The following RPA1 variants were observed in gnomAD, a reference collection of about 807,000 sequenced individuals.
RPA1 encodes the protein replication protein A 70 kDa DNA-binding subunit.
Under a neutral mutation model 83.0 loss-of-function variants are expected in RPA1, and 49 were observed. That is an observed-to-expected ratio of 0.59 (90% CI 0.47 to 0.75). The LOEUF is 0.75. RPA1 is among the 30% of genes least tolerant of loss of function. The probability of loss-of-function intolerance (pLI) is 0.00; values close to 1 mark genes in which losing one functional copy is unlikely to be tolerated. For missense variants in RPA1, 693 were observed against 776.1 expected (o/e 0.89, Z 1.27); for synonymous variants, 279 against 281.8 (o/e 0.99, Z 0.10).
rs113506658 is a variant in RPA1, at chr17:1,899,676, T to C, written c.*2501T>C. The C allele has an allele frequency of 2.3e-4, 35 of 152,338 alleles. No individual in the cohort carries two copies. The highest frequency in any genetic ancestry group is 7.9e-4 in the African/African-American group (33 of 41,562). The allele number at this position is 152,338 out of a possible 1,614,324, so 9.4% of individuals were successfully genotyped here. A position where few individuals can be genotyped will look rare whatever the true frequency, so the allele number is the denominator to read the frequency against. On this transcript the variant is annotated 3_prime_UTR_variant, in exon 17 of 17. Transcript: ENST00000254719. ...TTGATCGTGGTATTTAATACACTAA[T>C]GAAACCCATGGTTATTGACTACATA...
chr17:1,841,888 TTGAA>T (rs1247703804), intron 1 of RPA1, among the ~76,000 whole-genome samples: 11 of 152,184 alleles, frequency 7.2e-5, no homozygotes, highest in Non-Finnish European at 4.4e-5. Flanking sequence ...TCTCTATTCT[TTGAA>T]TGTGACAAAT....
intron 1 of RPA1, among the ~76,000 whole-genome samples, chr17:1,830,794 C>T (rs1911527286): frequency 6.6e-6 from 1 of 151,230 alleles, no homozygotes; most frequent in South Asian, 2.1e-4. Flanking sequence ...GCCTGGGCGA[C>T]ACTCACTGTC....
chr17:1,878,913 G>C, intron 8 of RPA1, 80 bp from the exon 9 acceptor site: 1 of 1,400,314 alleles, frequency 7.1e-7, no homozygotes, highest in Non-Finnish European at 1.0e-6. Flanking sequence ...GGTGGCCTGT[G>C]TTCTATCCCA....
At chr17:1,860,058 G>A (rs554975482) in intron 5 of RPA1, among the ~76,000 whole-genome samples, 10 of 151,096 alleles carry the variant, frequency 6.6e-5, no homozygotes, top group East Asian at 3.9e-4. Context: ...TGATCTGCCC[G>A]CCTCAGCCTC....
At chr17:1,834,387 A>G (rs1329399782) in intron 1 of RPA1, among the ~76,000 whole-genome samples, 3 of 152,146 alleles carry the variant, frequency 2.0e-5, no homozygotes, top group Non-Finnish European at 4.4e-5. Context: ...TTATAAACCT[A>G]TTTCCAGCGT....
intron 15 of RPA1, among the ~76,000 whole-genome samples, chr17:1,894,608 C>T (rs1914327244): frequency 6.6e-6 from 1 of 152,204 alleles, no homozygotes; most frequent in Non-Finnish European, 1.5e-5. Flanking sequence ...GCCCCTGTCA[C>T]CACCATCCTT....
intron 12 of RPA1, among the ~76,000 whole-genome samples, chr17:1,883,213 A>G (rs937000783): frequency 1.3e-5 from 2 of 152,024 alleles, no homozygotes; most frequent in African/African-American, 2.4e-5. Context: ...CTGGAGTGCA[A>G]TGGCGCCATC....
At chr17:1,888,503 G>A (rs1430068288) in intron 13 of RPA1, among the ~76,000 whole-genome samples, 172 bp from the exon 14 acceptor site, 2 of 152,180 alleles carry the variant, frequency 1.3e-5, no homozygotes, top group African/African-American at 2.4e-5. Flanking sequence ...TTTGTACTCG[G>A]CACATGTGAT....
At position 1,877,202 on chromosome 17, in the gene RPA1, T is replaced by C. The variant is rs180732111; in HGVS notation, c.588-10T>C. The C allele has an allele frequency of 6.2e-7, 1 of 1,613,356 alleles. No individual in the cohort carries two copies. The highest frequency in any genetic ancestry group is 2.2e-5 in the East Asian group (1 of 44,868). On this transcript the variant is annotated splice_polypyrimidine_tract_variant and intron_variant, in intron 7 of 16. Transcript: ENST00000254719. ...ACCCCATACACTAATATGATCGATT[T>C]GGTTTGTAGGTGGACCATTTGTGCT...
intron 1 of RPA1, among the ~76,000 whole-genome samples, chr17:1,839,686 G>T (rs1911967181): frequency 6.6e-6 from 1 of 150,600 alleles, no homozygotes; most frequent in Admixed American, 6.7e-5. Flanking sequence ...AAGCTGGAGT[G>T]CAGTGACATA....
intron 4 of RPA1, among the ~76,000 whole-genome samples, chr17:1,845,099 CT>C (rs1268799530): frequency 1.3e-5 from 2 of 151,220 alleles, no homozygotes; most frequent in East Asian, 3.9e-4. Flanking sequence ...TCAAAAGTAT[CT>C]TTTAATGAAA....
chr17:1,851,302 A>T (rs943516401), intron 4 of RPA1, among the ~76,000 whole-genome samples: 1 of 152,150 alleles, frequency 6.6e-6, no homozygotes, highest in Non-Finnish European at 1.5e-5. Flanking sequence ...CACACAATCT[A>T]TATGAATCAG....
At chr17:1,869,797 A>ATGC (rs1913312359) in intron 5 of RPA1, among the ~76,000 whole-genome samples, 1 of 152,176 alleles carries the variant, frequency 6.6e-6, no homozygotes, top group Non-Finnish European at 1.5e-5. Context: ...TGCCATTCAC[A>ATGC]ACATGCACTG....
rs936589183 is a variant in RPA1, at chr17:1,872,805, C to G, written c.454+279C>G. Among the ~76,000 whole-genome samples the G allele has an allele frequency of 2.7e-5, 4 of 150,182 alleles. No individual in the cohort carries two copies. The East Asian group carries it at 7.8e-4, about 29-fold the overall frequency. On this transcript the variant is annotated intron_variant, in intron 6 of 16. Coordinates refer to ENST00000254719, the MANE Select transcript of RPA1 (RefSeq NM_002945.5). Reference sequence around the variant, plus strand: ...ACAGCTCGTTGCAGCCTTAACCTCCCAAGTAGCTGGTACTATGGGCGCATG... The same window carrying G: ...ACAGCTCGTTGCAGCCTTAACCTCCGAAGTAGCTGGTACTATGGGCGCATG...
At chr17:1,879,954 G>A (rs1342579738) in intron 11 of RPA1, among the ~76,000 whole-genome samples, 2 of 120,024 alleles carry the variant, frequency 1.7e-5, no homozygotes, top group East Asian at 5.3e-4. Flanking sequence ...AGGGAGGGAG[G>A]GGTCTTGTCC....
chr17:1,862,411 A>G (rs1335919424), intron 5 of RPA1, among the ~76,000 whole-genome samples: 1 of 105,918 alleles, frequency 9.4e-6, no homozygotes, highest in Non-Finnish European at 2.6e-5. Flanking sequence ...CGATTAGCTC[A>G]ATATTTATTT....
intron 5 of RPA1, among the ~76,000 whole-genome samples, chr17:1,856,503 G>A (rs529559402): frequency 3.2e-4 from 48 of 152,124 alleles, no homozygotes; most frequent in Admixed American, 1.5e-3. Flanking sequence ...TGAGGCTGAG[G>A]CAGGAGAATC....
chr17:1,880,699 T>C lies in RPA1; in HGVS notation c.1241+8T>C, dbSNP rs751674039. On this transcript the variant is annotated splice_region_variant and intron_variant, in intron 12 of 16. Transcript: ENST00000254719. ...CTATAAGCTTCGTGGATGGTAGGTT[T>C]TGTGGGGCTAAACAAAGGGTTACTT... 42 of 1,612,492 alleles carry C rather than the reference T, an allele frequency of 2.6e-5. No individual in the cohort carries two copies. The highest frequency in any genetic ancestry group is 2.0e-4 in the Middle Eastern group (1 of 5,060).
intron 5 of RPA1, among the ~76,000 whole-genome samples, chr17:1,867,849 C>T (rs1913236550): frequency 6.6e-6 from 1 of 152,000 alleles, no homozygotes; most frequent in Admixed American, 6.6e-5. Flanking sequence ...GAGGTCGAGG[C>T]AGGAGGATCA....
Sources: allele counts gnomAD v4.1 joint callset (sites outside exome capture counted in the v4.1 genomes callset), GRCh38; gene constraint gnomAD v4.1.1; transcripts MANE v1.5; gene names NCBI Gene and HGNC (gene_info 2026-07-23, HGNC 2026-07-21).